Variants in SV2C observed in about 807,000 individuals in gnomAD.
The protein encoded by SV2C is solute carrier family 22 member B3.
In SV2C, 49 loss-of-function variants were observed where a neutral mutation model predicts 79.7. That is an observed-to-expected ratio of 0.61 (90% CI 0.49 to 0.78). SV2C has a LOEUF of 0.78. Ranked by LOEUF, SV2C falls within the 30% of genes least tolerant of loss-of-function variation. SV2C has a pLI of 0.00. For missense variants in SV2C, 833 were observed against 912.9 expected, an observed-to-expected ratio of 0.91 and a Z score of 1.13; for synonymous variants, 334 against 333.2, an observed-to-expected ratio of 1.00 and a Z score of -0.03.
intron 9 of SV2C, among the ~76,000 whole-genome samples, chr5:76,297,377 G>A (rs1416858172): frequency 1.3e-5 from 2 of 152,182 alleles, no homozygotes; most frequent in African/African-American, 4.8e-5. Flanking sequence ...ACAAGAAACT[G>A]ACAACAATGG....
the SV2C span, among the ~76,000 whole-genome samples, chr5:76,033,455 T>C: frequency 6.6e-6 from 1 of 152,246 alleles, no homozygotes; most frequent in African/African-American, 2.4e-5. Context: ...CAGTTTCAGC[T>C]TTCTACATAT....
downstream of SV2C, among the ~76,000 whole-genome samples, chr5:76,336,592 G>A (rs1010446878): frequency 1.3e-5 from 2 of 152,152 alleles, no homozygotes; most frequent in Non-Finnish European, 2.9e-5. Context: ...CTGCACTCCA[G>A]CCTGGGCACC....
At chr5:75,968,769 G>GA in the SV2C span, among the ~76,000 whole-genome samples, 3 of 152,298 alleles carry the variant, frequency 2.0e-5, no homozygotes, top group East Asian at 3.9e-4. Context: ...TTATCCAGGA[G>GA]AACTTCCCCA....
intron 2 of SV2C, among the ~76,000 whole-genome samples, chr5:76,179,776 T>C (rs1743662781): frequency 6.6e-6 from 1 of 152,244 alleles, no homozygotes; most frequent in Non-Finnish European, 1.5e-5. Context: ...ATTTATTCAC[T>C]CACTGCTCTG....
chr5:76,206,861 T>C (rs963483395), intron 3 of SV2C, among the ~76,000 whole-genome samples: 4 of 152,226 alleles, frequency 2.6e-5, no homozygotes, highest in African/African-American at 9.6e-5. Context: ...GAAATGTGAA[T>C]GCTTGGATTG....
intron 8 of SV2C, among the ~76,000 whole-genome samples, chr5:76,292,542 G>C (rs1747602469): frequency 6.6e-6 from 1 of 152,164 alleles, no homozygotes; most frequent in African/African-American, 2.4e-5. Flanking sequence ...TCTGGAAGCT[G>C]AGGTGAAGGA....
chr5:75,951,596 C>T, the SV2C span, among the ~76,000 whole-genome samples: 9 of 151,978 alleles, frequency 5.9e-5, no homozygotes, highest in African/African-American at 1.2e-4. Context: ...AAAAGAGATT[C>T]CAATTAAATG....
At chr5:76,026,318 T>C in the SV2C span, among the ~76,000 whole-genome samples, 1 of 151,894 alleles carries the variant, frequency 6.6e-6, no homozygotes, top group Non-Finnish European at 1.5e-5. Flanking sequence ...ATGAAGACTT[T>C]TTCTATGTAC....
intron 2 of SV2C, among the ~76,000 whole-genome samples, chr5:76,187,638 T>C (rs1220208519): frequency 6.6e-6 from 1 of 152,124 alleles, no homozygotes; most frequent in Non-Finnish European, 1.5e-5. Flanking sequence ...AGTCCACAGA[T>C]GCTTTTGAAC....
At chr5:76,064,314 AGAG>A in the SV2C span, among the ~76,000 whole-genome samples, 3 of 152,204 alleles carry the variant, frequency 2.0e-5, no homozygotes, top group Admixed American at 2.0e-4. Flanking sequence ...CCTGGACGTG[AGAG>A]GAGATGTGAG....
chr5:75,980,343 A>G, the SV2C span, among the ~76,000 whole-genome samples: 1 of 151,936 alleles, frequency 6.6e-6, no homozygotes, highest in Non-Finnish European at 1.5e-5. Flanking sequence ...AAAAGGAGGG[A>G]CTCCTCCCTA....
intron 2 of SV2C, among the ~76,000 whole-genome samples, chr5:76,144,070 C>G (rs35357454): frequency 0.45 from 68,069 of 151,932 alleles, 17,582 homozygotes; most frequent in Non-Finnish European, 0.59. Context: ...CTCAGTTGGT[C>G]GTGGTGGTTA....
At chr5:76,116,141 T>A (rs1291615739) in intron 1 of SV2C, among the ~76,000 whole-genome samples, 1 of 152,254 alleles carries the variant, frequency 6.6e-6, no homozygotes, top group East Asian at 1.9e-4. Flanking sequence ...TAAATTACTG[T>A]ATTTTTATTG....
intron 3 of SV2C, among the ~76,000 whole-genome samples, chr5:76,201,867 A>C (rs1744452404): frequency 6.6e-6 from 1 of 151,916 alleles, no homozygotes; most frequent in Non-Finnish European, 1.5e-5. Flanking sequence ...AAATACAAAA[A>C]ATTAGCCAGG....
the SV2C span, chr5:76,075,724 A>G: frequency 2.8e-6 from 1 of 357,614 alleles, no homozygotes; most frequent in South Asian, 2.4e-5. Flanking sequence ...GAAGGGCACA[A>G]ACTTCAATTT....
chr5:76,208,909 A>T (rs772505173), intron 3 of SV2C, among the ~76,000 whole-genome samples: 4 of 152,164 alleles, frequency 2.6e-5, no homozygotes, highest in Non-Finnish European at 5.9e-5. Context: ...TGAAATTCTG[A>T]TGAAATCTAT....
At chr5:75,873,526 C>T in the SV2C span, among the ~76,000 whole-genome samples, 3 of 151,980 alleles carry the variant, frequency 2.0e-5, no homozygotes, top group African/African-American at 7.2e-5. Context: ...TTAAAAGTAT[C>T]AAAATATTTA....
At chr5:76,037,518 A>G in the SV2C span, among the ~76,000 whole-genome samples, 14 of 152,102 alleles carry the variant, frequency 9.2e-5, no homozygotes, top group South Asian at 2.1e-4. Context: ...TGAGGTGTCA[A>G]TCTGTCCCTG....
rs148405712 is a variant in SV2C at position 76,313,834 on chromosome 5, G to A, written c.2001-11530G>A. On this transcript the variant is annotated intron_variant, in intron 12 of 12. Transcript: ENST00000502798. Reference sequence around the variant, plus strand: ...TTCCAATCATTGCTTATACAGAACAGCACTCACATCATCAGTGAAAAAATC... The same window carrying A: ...TTCCAATCATTGCTTATACAGAACAACACTCACATCATCAGTGAAAAAATC... Among the ~76,000 whole-genome samples the A allele has an allele frequency of 5.2e-3, 786 of 152,300 alleles. 1 individual carries two copies. The highest frequency in any genetic ancestry group is 7.7e-3 in the Non-Finnish European group (525 of 68,026).
Sources: allele counts gnomAD v4.1 joint callset (sites outside exome capture counted in the v4.1 genomes callset), GRCh38; gene constraint gnomAD v4.1.1; transcripts MANE v1.5; gene names NCBI Gene and HGNC (gene_info 2026-07-23, HGNC 2026-07-21).